The following TFR2 variants were observed in gnomAD, a reference collection of about 807,000 sequenced individuals.
The protein encoded by TFR2 is transferrin receptor protein 2.
TFR2 carries 64 observed loss-of-function variants against 91.9 expected under a neutral mutation model. That is an observed-to-expected ratio of 0.70 (90% CI 0.57 to 0.86). The LOEUF is 0.86. Among genes scored for constraint, TFR2 ranks in the 40% least tolerant of loss-of-function variants. TFR2 has a pLI of 0.00. For missense variants in TFR2, 950 were observed against 1,080.5 expected, an observed-to-expected ratio of 0.88 and a Z score of 1.69; for synonymous variants, 454 against 459.6, an observed-to-expected ratio of 0.99 and a Z score of 0.15.
At chr7:100,632,863 G>A (rs1307557112) in intron 6 of TFR2, 138 bp downstream of exon 6, 1 of 1,462,216 alleles carries the variant, frequency 6.8e-7, no homozygotes, top group Non-Finnish European at 9.5e-7. Flanking sequence ...GAACCATCGT[G>A]CCCAGCTTAT....
chr7:100,626,457 T>C (rs1803251767), intron 17 of TFR2: 1 of 1,251,320 alleles, frequency 8.0e-7, no homozygotes, highest in African/African-American at 1.6e-5. Flanking sequence ...GTGGGAGCTA[T>C]AGGAGGGGAG....
intron 3 of TFR2, among the ~76,000 whole-genome samples, chr7:100,634,961 C>T (rs182610238): frequency 1.1e-4 from 17 of 150,536 alleles, no homozygotes; most frequent in Admixed American, 8.0e-4. Context: ...TTTTTTGAGA[C>T]GGAGTCTCGC....
At chr7:100,629,223 C>G (rs769402280) in intron 10 of TFR2, 30 bp downstream of exon 10, 1 of 1,612,450 alleles carries the variant, frequency 6.2e-7, no homozygotes, top group Non-Finnish European at 8.5e-7. Context: ...CGCTGCCTAG[C>G]CCAGGCCCAG....
At chr7:100,641,400 A>C (rs1485642445) in intron 1 of TFR2, 77 bp downstream of exon 1, 1 of 1,588,630 alleles carries the variant, frequency 6.3e-7, no homozygotes, top group Non-Finnish European at 8.6e-7. Flanking sequence ...AGGAGGGGCC[A>C]GCCTCAGGGG....
intron 9 of TFR2, 96 bp downstream of exon 9, chr7:100,630,793 G>A: frequency 6.4e-7 from 1 of 1,563,738 alleles, no homozygotes; most frequent in South Asian, 1.1e-5. Flanking sequence ...CCCCTCTTGG[G>A]GCCTCCTGCA....
intron 17 of TFR2, among the ~76,000 whole-genome samples, chr7:100,623,716 A>G (rs1403236361): frequency 6.6e-6 from 1 of 151,684 alleles, no homozygotes; most frequent in African/African-American, 2.4e-5. Context: ...CCAGGAGTTC[A>G]ATACCAGTCT....
At position 100,627,913 on chromosome 7, in the gene TFR2, C is replaced by T. The variant is rs1222647216; in HGVS notation, c.1599G>A (p.Leu533=). The stretch of plus-strand genomic sequence containing the variant: ...ATTCCTGGGGTGCTCTTGCCTGCTT[C>T]AGGACACTCTCAATGAGACTTGTCA... The part of the protein sequence containing the change: ...PLLTSLIESV[L]KQVDSPNHSG... Residue 533 remains leucine, a synonymous_variant, in exon 13 of 18, where the codon CTG becomes CTA. Coordinates refer to ENST00000223051, the MANE Select transcript of TFR2 (RefSeq NM_003227.4). 1 of 1,614,102 alleles carries T rather than the reference C, an allele frequency of 6.2e-7. No homozygotes were observed. Among genetic ancestry groups the T allele is most frequent in the Non-Finnish European group, 8.5e-7 (1 of 1,179,992 alleles).
At chr7:100,626,633 G>C (rs1803257275) in intron 17 of TFR2, 130 bp downstream of exon 17, 2 of 1,478,282 alleles carry the variant, frequency 1.4e-6, no homozygotes, top group East Asian at 2.5e-5. Flanking sequence ...ACTGGGAAGA[G>C]AGCATCCAGA....
rs1419322885 is a variant in TFR2 at position 100,641,511 on chromosome 7, C to G, written c.-2G>C. On this transcript the variant is annotated 5_prime_UTR_variant, in exon 1 of 18. Coordinates refer to ENST00000223051, the MANE Select transcript of TFR2 (RefSeq NM_003227.4). ...GAATAGACCCCAAAGCCGCTCCATG[C>G]TTGTGTCCCCTCCTGAAGCCTGCAG... The G allele has an allele frequency of 2.5e-6, 4 of 1,613,750 alleles. No individual in the cohort carries two copies. The highest frequency in any genetic ancestry group is 2.5e-6 in the Non-Finnish European group (3 of 1,179,902).
Position 100,627,369 on chromosome 7 carries a change from G to A in TFR2, c.1890C>T (p.Leu630=). Residue 630 remains leucine, a synonymous_variant, in exon 16 of 18, where the codon CTC becomes CTT. Transcript: ENST00000223051. ...GCAGGCGATCGTGGCTGAGCCGGAT[G>A]AGGAGCTGCCCTGCGAGCTGGGCCA... ...QAVAQLAGQL[L]IRLSHDRLLP... 1 of 1,554,460 alleles carries A rather than the reference G, an allele frequency of 6.4e-7. No individual in the cohort carries two copies. Among genetic ancestry groups the A allele is most frequent in the Non-Finnish European group, 8.7e-7 (1 of 1,148,840 alleles).
chr7:100,626,882 A>C lies in TFR2; in HGVS notation c.2017T>G (p.Trp673Gly), dbSNP rs750599818. ...TAGTCCCCCCGCGCCGAGTACACCC[A>C]CTGCAGGGTCAGCCCGCGGGCCTGG... is the stretch of plus-strand genomic sequence containing the variant. ...DLKARGLTLQ[W>G]VYSARGDYIR... The change falls in exon 17 of 18, where the codon TGG becomes GGG. Residue 673 changes from tryptophan to glycine, a missense_variant. By Grantham distance (184) the Trp-to-Gly change is radical. Coordinates refer to ENST00000223051, the MANE Select transcript of TFR2 (RefSeq NM_003227.4). The C allele has an allele frequency of 1.9e-6, 3 of 1,544,652 alleles. No homozygotes were observed. In the South Asian group the frequency reaches 3.6e-5, roughly 18 times the overall value.
chr7:100,631,740 C>T, intron 8 of TFR2, 66 bp downstream of exon 8: 1 of 1,574,284 alleles, frequency 6.4e-7, no homozygotes. Flanking sequence ...CACAATCACC[C>T]TGTGGCCTCG....
At chr7:100,630,238 C>CCTT (rs1562840392) in intron 9 of TFR2, among the ~76,000 whole-genome samples, 19 of 137,296 alleles carry the variant, frequency 1.4e-4, no homozygotes, top group Non-Finnish European at 2.0e-4. Flanking sequence ...CTTCCTTTCT[C>CCTT]TCTCTCTCTT....
chr7:100,640,664 G>C, intron 3 of TFR2, 22 bp downstream of exon 3: 7 of 1,609,518 alleles, frequency 4.3e-6, no homozygotes, highest in Non-Finnish European at 5.9e-6. Flanking sequence ...TCGAGAACAG[G>C]ATGGGGCAGG....
At chr7:100,622,917 C>T (rs1803146409) in intron 17 of TFR2, among the ~76,000 whole-genome samples, 1 of 151,998 alleles carries the variant, frequency 6.6e-6, no homozygotes, top group African/African-American at 2.4e-5. Context: ...CAAGATCGTG[C>T]CACTGCCCTC....
Position 100,627,916 on chromosome 7 carries a change from G to A in TFR2, c.1596C>T (p.Val532=), listed in dbSNP as rs1051822153. The A allele has an allele frequency of 1.2e-6, 2 of 1,614,054 alleles. No individual in the cohort carries two copies. The highest frequency in any genetic ancestry group is 4.5e-5 in the East Asian group (2 of 44,860). ...CCTGGGGTGCTCTTGCCTGCTTCAGGACACTCTCAATGAGACTTGTCAGAA... is the reference window on the plus strand; with the variant it reads ...CCTGGGGTGCTCTTGCCTGCTTCAGAACACTCTCAATGAGACTTGTCAGAA... The part of the protein sequence containing the change: ...SPLLTSLIES[V]LKQVDSPNHS... The change falls in exon 13 of 18, where the codon GTC becomes GTT. Residue 532 remains valine, a synonymous_variant. Coordinates refer to ENST00000223051, the MANE Select transcript of TFR2 (RefSeq NM_003227.4).
At chr7:100,633,697 GC>G in intron 3 of TFR2, 141 bp from the exon 4 acceptor site, 1 of 859,588 alleles carries the variant, frequency 1.2e-6, no homozygotes, top group Non-Finnish European at 1.6e-6. Context: ...CCCCGCGGAC[GC>G]TTTTTTTTTT....
intron 6 of TFR2, 68 bp downstream of exon 6, chr7:100,632,933 G>A (rs1280922412): frequency 5.6e-6 from 9 of 1,612,212 alleles, no homozygotes; most frequent in Non-Finnish European, 7.6e-6. Flanking sequence ...CACCCTGAAC[G>A]ATTCTCACTG....
chr7:100,640,815 A>G lies in TFR2; in HGVS notation c.344T>C (p.Val115Ala). 6.2e-7 allele frequency: 1 copy of G among 1,614,192 alleles called. No individual in the cohort carries two copies. The highest frequency in any genetic ancestry group is 8.5e-7 in the Non-Finnish European group (1 of 1,180,036). Reference protein sequence around the residue: ...RGSCQACGDSVLVVSEDVNYE... With the variant: ...RGSCQACGDSALVVSEDVNYE... Reference sequence around the variant, plus strand: ...GTTGACATCCTCACTGACCACCAACACAGAGTCTCCGCACGCCTGGCAGGA... The same window carrying G: ...GTTGACATCCTCACTGACCACCAACGCAGAGTCTCCGCACGCCTGGCAGGA... The change falls in exon 3 of 18, where the codon GTG (valine) becomes GCG (alanine). Residue 115 changes from valine to alanine, a missense_variant. Val to Ala is a moderately conservative substitution (Grantham distance 64, BLOSUM62 0). Coordinates refer to ENST00000223051, the MANE Select transcript of TFR2 (RefSeq NM_003227.4).
Sources: allele counts gnomAD v4.1 joint callset (sites outside exome capture counted in the v4.1 genomes callset), GRCh38; gene constraint gnomAD v4.1.1; transcripts MANE v1.5; gene names NCBI Gene and HGNC (gene_info 2026-07-23, HGNC 2026-07-21).